BABAM2: variants seen among roughly 807,000 people sequenced by gnomAD.
BABAM2 encodes BRISC and BRCA1-A complex member 2.
A neutral mutation model predicts 54.7 loss-of-function variants in BABAM2; 31 were observed. The observed-to-expected ratio is 0.57, with a 90% CI of 0.43 to 0.77. BABAM2 has a LOEUF of 0.77. Ranked by LOEUF, BABAM2 falls within the 30% of genes least tolerant of loss-of-function variation. BABAM2 has a pLI of 0.00. For missense variants in BABAM2, 364 were observed against 455.8 expected (o/e 0.80, Z 1.83); for synonymous variants, 167 against 162.9 (o/e 1.03, Z -0.19).
chr2:27,961,344 A>G (rs77620499), intron 3 of BABAM2, among the ~76,000 whole-genome samples: 3 of 152,344 alleles, frequency 2.0e-5, no homozygotes, highest in Non-Finnish European at 2.9e-5. Flanking sequence ...AGTAGAAACT[A>G]TGCTTTGAGT....
chr2:28,246,658 A>G (rs543694096), intron 10 of BABAM2, among the ~76,000 whole-genome samples: 2 of 152,284 alleles, frequency 1.3e-5, no homozygotes, highest in Admixed American at 6.5e-5. Flanking sequence ...TTTTTTCCTG[A>G]ATCTTTAGTC....
chr2:27,979,108 A>C (rs560709633), intron 3 of BABAM2, among the ~76,000 whole-genome samples: 3 of 150,520 alleles, frequency 2.0e-5, no homozygotes, highest in African/African-American at 4.9e-5. Context: ...GCTCACTGCA[A>C]CCTCCACCCC....
intron 5 of BABAM2, among the ~76,000 whole-genome samples, chr2:28,033,458 T>G (rs1052290339): frequency 2.0e-5 from 3 of 152,178 alleles, no homozygotes; most frequent in African/African-American, 7.2e-5. Context: ...TTGGGGACTC[T>G]GTGCAGAGTC....
chr2:27,996,177 G>C (rs1215380799), intron 4 of BABAM2, among the ~76,000 whole-genome samples: 1 of 152,190 alleles, frequency 6.6e-6, no homozygotes, highest in African/African-American at 2.4e-5. Context: ...AGACATTCCA[G>C]TTAAAAAACT....
intron 3 of BABAM2, among the ~76,000 whole-genome samples, chr2:27,935,127 TTC>T (rs1156703255): frequency 1.2e-4 from 18 of 152,212 alleles, no homozygotes; most frequent in Admixed American, 1.2e-3. Context: ...TAGACTGACT[TTC>T]TGATTAGGGA....
chr2:28,233,373 C>T, intron 7 of BABAM2: 1 of 421,422 alleles, frequency 2.4e-6, no homozygotes, highest in Admixed American at 3.0e-5. Context: ...TCCTGTTGTA[C>T]ATGCTCAGCC....
At position 28,228,682 on chromosome 2, in the gene BABAM2, T is replaced by A. The variant is rs1459880027; in HGVS notation, c.681-8520T>A. Among the ~76,000 whole-genome samples the A allele has an allele frequency of 2.0e-5, 3 of 152,302 alleles. No homozygotes were observed. In the East Asian group the frequency reaches 5.8e-4, roughly 29 times the overall value. The stretch of plus-strand genomic sequence containing the variant: ...AGAAAAAAAAAACTTTTCTTCCCCT[T>A]ACCCTTTTCGTGTCTTGAGTGACTG... On this transcript the variant is annotated intron_variant, in intron 7 of 11. Coordinates refer to ENST00000379624, the MANE Select transcript of BABAM2 (RefSeq NM_199191.3).
chr2:28,080,042 A>C (rs1268027426), intron 6 of BABAM2, among the ~76,000 whole-genome samples: 1 of 152,172 alleles, frequency 6.6e-6, no homozygotes, highest in East Asian at 1.9e-4. Flanking sequence ...AAAAGAAACT[A>C]TAGGAGCTCA....
At chr2:28,155,047 A>T (rs1672419179) in intron 7 of BABAM2, among the ~76,000 whole-genome samples, 1 of 152,156 alleles carries the variant, frequency 6.6e-6, no homozygotes, top group Non-Finnish European at 1.5e-5. Context: ...GTAAACTAAT[A>T]CCTTTGCAAC....
intron 6 of BABAM2, among the ~76,000 whole-genome samples, chr2:28,115,786 C>G (rs557850737): frequency 6.6e-6 from 1 of 151,884 alleles, no homozygotes; most frequent in Admixed American, 6.6e-5. Context: ...TGGGAACCTG[C>G]AGTAGTTAGG....
chr2:28,111,369 G>A (rs1187075950), intron 6 of BABAM2, among the ~76,000 whole-genome samples: 1 of 151,904 alleles, frequency 6.6e-6, no homozygotes, highest in Non-Finnish European at 1.5e-5. Flanking sequence ...TTGTTACTGA[G>A]TTTAGTAATT....
intron 7 of BABAM2, among the ~76,000 whole-genome samples, chr2:28,201,343 T>C (rs1287403821): frequency 6.6e-6 from 1 of 152,180 alleles, no homozygotes; most frequent in Non-Finnish European, 1.5e-5. Flanking sequence ...AAAAATACCA[T>C]ATGGCTAATG....
In BABAM2 at chr2:28,090,241, A is replaced by G. The variant is rs78688116; in HGVS notation, c.571-39030A>G. Among the ~76,000 whole-genome samples, 1,172 of 152,186 alleles carry G rather than the reference A, an allele frequency of 7.7e-3. 20 individuals are homozygous for G. The highest frequency in any genetic ancestry group is 0.026 in the African/African-American group (1,097 of 41,518). On this transcript the variant is annotated intron_variant, in intron 6 of 11. Coordinates refer to ENST00000379624, the MANE Select transcript of BABAM2 (RefSeq NM_199191.3). Reference sequence around the variant, plus strand: ...TTCCTTGTAAATCCTTGAGAAAGGTAAATTATCTCTCTCTCTTTTTTTGAG... The same window carrying G: ...TTCCTTGTAAATCCTTGAGAAAGGTGAATTATCTCTCTCTCTTTTTTTGAG...
chr2:28,013,297 G>A (rs75355393), intron 4 of BABAM2: 6,192 of 450,138 alleles, frequency 0.014, 360 homozygotes, highest in African/African-American at 0.11. Flanking sequence ...GATTCCACCA[G>A]TAGGTCATCT....
intron 2 of BABAM2, among the ~76,000 whole-genome samples, chr2:27,920,175 T>C (rs147518082): frequency 3.3e-5 from 5 of 152,316 alleles, no homozygotes; most frequent in Non-Finnish European, 4.4e-5. Flanking sequence ...AATGCAATTT[T>C]GTCTTCTTTT....
At chr2:28,112,473 T>C (rs938758353) in intron 6 of BABAM2, among the ~76,000 whole-genome samples, 22 of 152,000 alleles carry the variant, frequency 1.4e-4, no homozygotes, top group Admixed American at 9.2e-4. Context: ...TTTTCTGTTC[T>C]TGTGTTAGTT....
At chr2:27,888,970 G>A (rs1664627469), upstream of BABAM2, among the ~76,000 whole-genome samples, 1 of 152,096 alleles carries the variant, frequency 6.6e-6, no homozygotes. Context: ...TTTTTATCTT[G>A]GCACAGTGTC....
chr2:28,197,531 C>T (rs953815824), intron 7 of BABAM2, among the ~76,000 whole-genome samples: 9 of 152,110 alleles, frequency 5.9e-5, no homozygotes, highest in African/African-American at 2.2e-4. Context: ...TCTAGATGTC[C>T]TACCCTTAAA....
At chr2:28,264,441 T>C (rs533407073) in intron 10 of BABAM2, among the ~76,000 whole-genome samples, 32 of 152,372 alleles carry the variant, frequency 2.1e-4, no homozygotes, top group Non-Finnish European at 3.8e-4. Context: ...CTGTCTCCTA[T>C]GTCAGGCAAA....
Sources: gnomAD v4.1 joint callset for allele counts (sites outside exome capture counted in the v4.1 genomes callset) on GRCh38, gnomAD v4.1.1 for gene constraint, MANE v1.5 for transcripts, NCBI Gene and HGNC (gene_info 2026-07-23, HGNC 2026-07-21) for gene names.